DGKB: variants seen among roughly 807,000 people sequenced by gnomAD.
DGKB encodes the protein diacylglycerol kinase beta, also known as 90 kDa diacylglycerol kinase.
Under a neutral mutation model 114.3 loss-of-function variants are expected in DGKB, and 67 were observed. The ratio of observed to expected loss-of-function variants is 0.59; its 90% CI spans 0.48 to 0.72. The LOEUF is 0.72. DGKB is among the 30% of genes least tolerant of loss of function. The pLI is 0.00. For missense variants in DGKB, 907 were observed against 975.2 expected (o/e 0.93, Z 0.93); for synonymous variants, 398 against 323.1 (o/e 1.23, Z -2.49).
chr7:14,439,514 T>C (rs1458122741), intron 21 of DGKB, among the ~76,000 whole-genome samples: 2 of 152,098 alleles, frequency 1.3e-5, no homozygotes, highest in Non-Finnish European at 2.9e-5. Flanking sequence ...CTTTCTTCAG[T>C]CTGGCATTCA....
intron 20 of DGKB, among the ~76,000 whole-genome samples, chr7:14,519,241 G>C (rs899371033): frequency 6.6e-6 from 1 of 151,828 alleles, no homozygotes; most frequent in Non-Finnish European, 1.5e-5. Flanking sequence ...AAATCTGTTT[G>C]CAATCAATCT....
chr7:14,646,376 C>G (rs1813013673), intron 13 of DGKB, among the ~76,000 whole-genome samples: 1 of 151,916 alleles, frequency 6.6e-6, no homozygotes, highest in Non-Finnish European at 1.5e-5. Flanking sequence ...CATTGGAGAC[C>G]ATAATACAAT....
intron 2 of DGKB, among the ~76,000 whole-genome samples, chr7:14,773,928 A>G (rs75476066): frequency 0.038 from 5,835 of 151,918 alleles, 184 homozygotes; most frequent in Admixed American, 0.1. Context: ...AGGGGGAAAA[A>G]GGCTCCTACA....
intron 20 of DGKB, among the ~76,000 whole-genome samples, chr7:14,539,672 C>A (rs531779447): frequency 1.3e-5 from 2 of 152,108 alleles, no homozygotes; most frequent in Non-Finnish European, 2.9e-5. Context: ...ATGAAAAGCA[C>A]AGTCCTAGAA....
intron 23 of DGKB, among the ~76,000 whole-genome samples, chr7:14,336,328 A>C (rs1810660536): frequency 6.6e-6 from 1 of 152,184 alleles, no homozygotes; most frequent in African/African-American, 2.4e-5. Context: ...TTCAGCTCAA[A>C]AGGTCATTCT....
chr7:14,493,701 T>G (rs1784902061), intron 20 of DGKB, among the ~76,000 whole-genome samples: 1 of 152,034 alleles, frequency 6.6e-6, no homozygotes, highest in Non-Finnish European at 1.5e-5. Flanking sequence ...ATCATGCTAC[T>G]AGAACAGTGT....
chr7:14,650,927 C>T (rs866190549), intron 13 of DGKB, among the ~76,000 whole-genome samples: 3 of 152,208 alleles, frequency 2.0e-5, no homozygotes, highest in East Asian at 3.9e-4. Context: ...GACACATACA[C>T]TCTCCCAAGA....
intron 9 of DGKB, among the ~76,000 whole-genome samples, chr7:14,692,531 T>C (rs1823050954): frequency 1.3e-5 from 2 of 151,976 alleles, no homozygotes; most frequent in African/African-American, 4.8e-5. Flanking sequence ...GTTTTTGTCA[T>C]AAGGTACATG....
At chr7:14,521,772 A>G (rs1054907425) in intron 20 of DGKB, among the ~76,000 whole-genome samples, 7 of 152,144 alleles carry the variant, frequency 4.6e-5, no homozygotes, top group Non-Finnish European at 7.4e-5. Flanking sequence ...AACTATTTAT[A>G]CTGACTGCTT....
chr7:14,724,531 T>C (rs1181229647), intron 5 of DGKB, among the ~76,000 whole-genome samples: 1 of 152,004 alleles, frequency 6.6e-6, no homozygotes, highest in Non-Finnish European at 1.5e-5. Context: ...GGTTTTCATC[T>C]GTTTGGACAT....
chr7:14,960,578 T>C (rs1786783435), intron 1 of DGKB, among the ~76,000 whole-genome samples: 1 of 152,052 alleles, frequency 6.6e-6, no homozygotes, highest in South Asian at 2.1e-4. Context: ...TATAAGCTCC[T>C]GTATATTGTA....
chr7:14,328,492 T>C (rs2215033), intron 23 of DGKB, among the ~76,000 whole-genome samples: 12,605 of 152,020 alleles, frequency 0.083, 740 homozygotes, highest in East Asian at 0.29. Context: ...AATGAACAGC[T>C]GCTCAGGGAA....
chr7:14,426,669 G>C (rs868845912), intron 21 of DGKB, among the ~76,000 whole-genome samples: 105 of 152,222 alleles, frequency 6.9e-4, no homozygotes, highest in African/African-American at 2.4e-3. Context: ...TATTTAACAG[G>C]CTAGACATAC....
chr7:14,702,844 G>A (rs1825447558), intron 6 of DGKB, among the ~76,000 whole-genome samples: 1 of 152,028 alleles, frequency 6.6e-6, no homozygotes, highest in South Asian at 2.1e-4. Context: ...TTAATAAGAT[G>A]CATAATTAGT....
rs536845327 is a variant in DGKB at position 14,235,791 on chromosome 7, A to G, written c.2123-57640T>C. Among the ~76,000 whole-genome samples the G allele has an allele frequency of 5.9e-5, 9 of 152,144 alleles. No homozygotes were observed. The South Asian group carries it at 1.0e-3, about 18-fold the overall frequency. ...TCTATCCTTGCATACTTAAAAGACA[A>G]TGTATTGATGTTTAGCTCCTTGAAA... is the stretch of plus-strand genomic sequence containing the variant. On this transcript the variant is annotated intron_variant, in intron 23 of 25. Transcript: ENST00000402815.
intron 21 of DGKB, among the ~76,000 whole-genome samples, chr7:14,443,749 G>A (rs1830375123): frequency 6.6e-6 from 1 of 151,960 alleles, no homozygotes; most frequent in South Asian, 2.1e-4. Context: ...TTGTTTGAGT[G>A]TTTGTTGTTG....
chr7:14,576,335 T>C (rs992551904), intron 19 of DGKB, among the ~76,000 whole-genome samples: 1 of 151,968 alleles, frequency 6.6e-6, no homozygotes, highest in Admixed American at 6.6e-5. Flanking sequence ...TTATTTTAAA[T>C]GTTTAATTAA....
intron 20 of DGKB, among the ~76,000 whole-genome samples, chr7:14,492,289 G>A (rs952633880): frequency 2.6e-5 from 4 of 151,986 alleles, no homozygotes; most frequent in African/African-American, 9.7e-5. Flanking sequence ...ATGTACTGCA[G>A]AAGGATCAAA....
At position 14,318,970 on chromosome 7, in the gene DGKB, C is replaced by A. The variant is rs369277954; in HGVS notation, c.2122+19545G>T. ...TACTATGCAGCCATAAAAAATGATGCGTTCATGTCCTTTGTAGGGACTTGG... is the reference window on the plus strand; with the variant it reads ...TACTATGCAGCCATAAAAAATGATGAGTTCATGTCCTTTGTAGGGACTTGG... On this transcript the variant is annotated intron_variant, in intron 23 of 25. Transcript: ENST00000402815. Among the ~76,000 whole-genome samples the A allele has an allele frequency of 2.0e-3, 310 of 152,124 alleles. 3 individuals are homozygous for A. The highest frequency in any genetic ancestry group is 6.6e-3 in the African/African-American group (276 of 41,518).
Sources: gnomAD v4.1 joint callset for allele counts (sites outside exome capture counted in the v4.1 genomes callset) on GRCh38, gnomAD v4.1.1 for gene constraint, MANE v1.5 for transcripts, NCBI Gene and HGNC (gene_info 2026-07-23, HGNC 2026-07-21) for gene names.